The following SULF1 variants were observed in gnomAD, a reference collection of about 807,000 sequenced individuals.
SULF1 encodes extracellular sulfatase Sulf-1.
Under a neutral mutation model 110.5 loss-of-function variants are expected in SULF1, and 46 were observed. The ratio of observed to expected loss-of-function variants is 0.42; its 90% CI spans 0.33 to 0.53. The LOEUF is 0.53. Among genes scored for constraint, SULF1 ranks in the 20% least tolerant of loss-of-function variants. The pLI, the probability that SULF1 is intolerant of heterozygous loss-of-function variation, is 0.12. For synonymous variants in SULF1, 371 were observed against 387.1 expected (o/e 0.96, Z 0.49); for missense variants, 941 against 1,094.2 (o/e 0.86, Z 1.98).
chr8:69,625,681 G>C (rs113084127), intron 15 of SULF1, among the ~76,000 whole-genome samples: 8,880 of 152,290 alleles, frequency 0.058, 318 homozygotes, highest in South Asian at 0.18. Context: ...ACAGATCTTC[G>C]CGGTGAGTGT....
At chr8:69,514,420 T>C (rs907975877) in intron 3 of SULF1, among the ~76,000 whole-genome samples, 1 of 152,086 alleles carries the variant, frequency 6.6e-6, no homozygotes, top group Non-Finnish European at 1.5e-5. Flanking sequence ...AGGGGGAAAT[T>C]CACCCCCATG....
intron 1 of SULF1, among the ~76,000 whole-genome samples, chr8:69,484,002 C>T (rs1478241162): frequency 2.0e-5 from 3 of 152,148 alleles, no homozygotes; most frequent in Non-Finnish European, 4.4e-5. Context: ...CCCAGTCTTA[C>T]AAGCAAGGAA....
At chr8:69,604,720 G>C (rs1470190088) in intron 12 of SULF1, 83 bp from the exon 13 acceptor site, 2 of 1,552,356 alleles carry the variant, frequency 1.3e-6, no homozygotes, top group Non-Finnish European at 1.7e-6. Context: ...CATGTGACAG[G>C]GTAAAAAAAA....
intron 22 of SULF1, among the ~76,000 whole-genome samples, chr8:69,652,606 T>G (rs1812423757): frequency 6.6e-6 from 1 of 152,242 alleles, no homozygotes; most frequent in Admixed American, 6.5e-5. Flanking sequence ...AGCCTAAATC[T>G]GCCTCCTCAC....
intron 5 of SULF1, among the ~76,000 whole-genome samples, chr8:69,568,190 T>C (rs1179252863): frequency 1.3e-5 from 2 of 152,220 alleles, no homozygotes; most frequent in Non-Finnish European, 2.9e-5. Flanking sequence ...TTTTGGCTAC[T>C]GTGCCTCCAA....
intron 3 of SULF1, among the ~76,000 whole-genome samples, chr8:69,541,671 A>G (rs976604779): frequency 1.3e-5 from 2 of 152,234 alleles, no homozygotes; most frequent in African/African-American, 4.8e-5. Context: ...ACAGAACCCT[A>G]AAATGCTCAC....
chr8:69,615,701 AGT>A (rs987627670), intron 13 of SULF1, among the ~76,000 whole-genome samples: 5 of 152,184 alleles, frequency 3.3e-5, no homozygotes, highest in African/African-American at 1.2e-4. Context: ...CCAGACATCC[AGT>A]GTGGTTAAAT....
chr8:69,560,492 G>A (rs929092434), intron 3 of SULF1, among the ~76,000 whole-genome samples: 10 of 152,184 alleles, frequency 6.6e-5, no homozygotes, highest in Admixed American at 1.3e-4. Context: ...ATGGCTTGGA[G>A]TAAAAGCAAC....
At chr8:69,561,294 G>A (rs1815468091) in intron 3 of SULF1, among the ~76,000 whole-genome samples, 1 of 151,838 alleles carries the variant, frequency 6.6e-6, no homozygotes, top group South Asian at 2.1e-4. Context: ...AAAAAAATAA[G>A]ATACACTGTG....
intron 22 of SULF1, among the ~76,000 whole-genome samples, chr8:69,652,195 ACT>A: frequency 6.6e-6 from 1 of 151,142 alleles, no homozygotes; most frequent in South Asian, 2.1e-4. Flanking sequence ...TTGAGATCCC[ACT>A]GGCCCCACCT....
At chr8:69,498,512 C>T (rs1196768012) in intron 2 of SULF1, among the ~76,000 whole-genome samples, 1 of 152,182 alleles carries the variant, frequency 6.6e-6, no homozygotes, top group Admixed American at 6.5e-5. Flanking sequence ...AGACACAACC[C>T]TCACTCTGAG....
chr8:69,628,942 T>C (rs1448269908), intron 18 of SULF1, among the ~76,000 whole-genome samples: 1 of 152,166 alleles, frequency 6.6e-6, no homozygotes, highest in Non-Finnish European at 1.5e-5. Flanking sequence ...TCCATCGATG[T>C]TTCCATGCAC....
intron 3 of SULF1, among the ~76,000 whole-genome samples, chr8:69,504,426 G>A (rs968136868): frequency 2.8e-4 from 43 of 152,092 alleles, no homozygotes; most frequent in South Asian, 4.1e-4. Flanking sequence ...GTGGTGGTGC[G>A]CGCCTGTAAT....
At chr8:69,474,809 A>C (rs1255629436) in intron 1 of SULF1, among the ~76,000 whole-genome samples, 1 of 152,216 alleles carries the variant, frequency 6.6e-6, no homozygotes, top group Non-Finnish European at 1.5e-5. Flanking sequence ...AAATGGAGTT[A>C]AGTTTATCAC....
chr8:69,501,078 TCAC>T (rs1211857032), intron 2 of SULF1, among the ~76,000 whole-genome samples: 1 of 152,196 alleles, frequency 6.6e-6, no homozygotes, highest in Non-Finnish European at 1.5e-5. Flanking sequence ...ACAACTGTAG[TCAC>T]CAGTGGAAAA....
chr8:69,487,922 T>C (rs1019700603), upstream of SULF1, among the ~76,000 whole-genome samples: 1 of 152,202 alleles, frequency 6.6e-6, no homozygotes, highest in Non-Finnish European at 1.5e-5. Context: ...TTCAGAGTGA[T>C]CTATGTCCTG....
At chr8:69,564,762 C>A (rs548029895) in intron 5 of SULF1, among the ~76,000 whole-genome samples, 1 of 152,332 alleles carries the variant, frequency 6.6e-6, no homozygotes, top group Non-Finnish European at 1.5e-5. Flanking sequence ...TTCTATATCA[C>A]CTGACTGGGT....
Position 69,558,132 on chromosome 8 carries a change from A to T in SULF1, c.-133-5407A>T, listed in dbSNP as rs1361971754. On this transcript the variant is annotated intron_variant, in intron 3 of 22. Transcript: ENST00000402687. ...CACATCCTGAAGCCTTACTCTAAAG[A>T]AAAGAAGTAATCTCTGGGAGACTCA... Among the ~76,000 whole-genome samples, 3 of 152,166 alleles carry T rather than the reference A, an allele frequency of 2.0e-5. No homozygotes were observed. The East Asian group carries it at 5.8e-4, about 29-fold the overall frequency.
At position 69,588,932 on chromosome 8, in the gene SULF1, C is replaced by A. The variant is rs774419530; in HGVS notation, c.565-40C>A. On this transcript the variant is annotated intron_variant, in intron 7 of 22. Transcript: ENST00000402687. The stretch of plus-strand genomic sequence containing the variant: ...TTCAAATGCGATCTGATGAATGTCA[C>A]CTTTTGTAATTTTTGTTTTGTGTCA... 3 of 1,585,454 alleles carry A rather than the reference C, an allele frequency of 1.9e-6. No individual in the cohort carries two copies. The East Asian group carries it at 6.8e-5, about 36-fold the overall frequency.
Sources: gnomAD v4.1 joint callset for allele counts (sites outside exome capture counted in the v4.1 genomes callset) on GRCh38, gnomAD v4.1.1 for gene constraint, MANE v1.5 for transcripts, NCBI Gene and HGNC (gene_info 2026-07-23, HGNC 2026-07-21) for gene names.